TTLL1: variants seen among roughly 807,000 people sequenced by gnomAD.
The protein encoded by TTLL1 is polyglutamylase complex subunit TTLL1.
In TTLL1, 33 loss-of-function variants were observed where a neutral mutation model predicts 47.8. The ratio of observed to expected loss-of-function variants is 0.69; its 90% CI spans 0.52 to 0.92. The LOEUF is 0.92. Ranked by LOEUF, TTLL1 falls within the 40% of genes least tolerant of loss-of-function variation. The pLI is 0.00. For missense variants in TTLL1, 488 were observed against 547.5 expected (o/e 0.89, Z 1.08); for synonymous variants, 225 against 214.1 (o/e 1.05, Z -0.45).
chr22:43,088,633 G>C (rs533438146), intron 1 of TTLL1, among the ~76,000 whole-genome samples: 8 of 151,646 alleles, frequency 5.3e-5, no homozygotes, highest in Non-Finnish European at 8.8e-5. Context: ...GTGAGCCACC[G>C]TGCCCGGCCG....
At chr22:43,064,074 C>T in intron 6 of TTLL1, 116 bp downstream of exon 6, 1 of 1,521,022 alleles carries the variant, frequency 6.6e-7, no homozygotes, top group Middle Eastern at 1.8e-4. Flanking sequence ...CAATCCCTGC[C>T]CCGTGCCAGG....
chr22:43,081,723 T>A (rs1394173982), intron 1 of TTLL1, among the ~76,000 whole-genome samples: 3 of 151,526 alleles, frequency 2.0e-5, no homozygotes, highest in Non-Finnish European at 4.4e-5. Context: ...AATTTTTGTA[T>A]TTTTACTAGA....
At position 43,050,287 on chromosome 22, in the gene TTLL1, A is replaced by G. The variant is rs1202238238; in HGVS notation, c.978+1514T>C. 7.9e-5 allele frequency among the ~76,000 whole-genome samples: 11 copies of G among 138,476 alleles called. No homozygotes were observed. The East Asian group carries it at 1.7e-3, about 21-fold the overall frequency. 90.8% of individuals were successfully genotyped at this position (138,476 alleles called of 152,430 possible). On this transcript the variant is annotated intron_variant, in intron 9 of 10. Coordinates refer to ENST00000266254, the MANE Select transcript of TTLL1 (RefSeq NM_012263.5). ...AAAAATTAGCTGGGCGTGGTGGTGC[A>G]CGCCTGTAATCCCAGCTACTCAGGA...
At chr22:43,059,291 G>C in intron 8 of TTLL1, 93 bp downstream of exon 8, 1 of 1,516,636 alleles carries the variant, frequency 6.6e-7, no homozygotes, top group South Asian at 1.3e-5. Context: ...GCCGCGCACA[G>C]CTGAAAACAG....
intron 8 of TTLL1, among the ~76,000 whole-genome samples, chr22:43,056,336 C>T (rs560151432): frequency 7.5e-4 from 99 of 132,490 alleles, no homozygotes; most frequent in Non-Finnish European, 1.3e-3. Flanking sequence ...TCCAGCCTGG[C>T]GACACAGCGA....
intron 6 of TTLL1, 44 bp downstream of exon 6, chr22:43,064,145 GT>G: frequency 1.3e-6 from 2 of 1,593,010 alleles, no homozygotes; most frequent in Non-Finnish European, 1.7e-6. Context: ...GACGTTTTGG[GT>G]GAAAACACAA....
chr22:43,053,874 C>T (rs924545612), intron 8 of TTLL1, among the ~76,000 whole-genome samples: 5 of 152,176 alleles, frequency 3.3e-5, no homozygotes, highest in African/African-American at 1.2e-4. Context: ...CTTGATTAAA[C>T]AGCTAACTTT....
intron 10 of TTLL1, among the ~76,000 whole-genome samples, chr22:43,043,807 C>T (rs1028966005): frequency 6.6e-6 from 1 of 152,048 alleles, no homozygotes. Context: ...ACCACAGTTA[C>T]CTTCCTCCTT....
rs373336576 is a variant in TTLL1, at chr22:43,068,561, C to T, written c.352G>A (p.Ala118Thr). Residue 118 changes from alanine (A) to threonine (T), a missense_variant, in exon 5 of 11, where the codon GCT (alanine) becomes ACT (threonine). Coordinates refer to ENST00000266254, the MANE Select transcript of TTLL1 (RefSeq NM_012263.5). ...TCCTCTACAAACAGGTTGTAGTCAG[C>T]GGGCAGCATATAGGTGACTGGAACA... ...DFVPVTYMLP[A>T]DYNLFVEEFR... 21 of 1,542,478 alleles carry T rather than the reference C, an allele frequency of 1.4e-5. No homozygotes were observed. The highest frequency in any genetic ancestry group is 3.5e-5 in the Admixed American group (2 of 57,146).
chr22:43,043,068 G>A (rs3761468), intron 10 of TTLL1, among the ~76,000 whole-genome samples: 19,475 of 151,244 alleles, frequency 0.13, 1,764 homozygotes, highest in East Asian at 0.42. Context: ...AGCCTCCCAA[G>A]TAGCTGGGAT....
intron 10 of TTLL1, among the ~76,000 whole-genome samples, chr22:43,045,110 C>T (rs1017465230): frequency 1.3e-5 from 2 of 152,196 alleles, no homozygotes; most frequent in African/African-American, 2.4e-5. Flanking sequence ...ATCCACCTGC[C>T]TTGGCCTCCT....
intron 8 of TTLL1, among the ~76,000 whole-genome samples, chr22:43,054,047 G>A (rs555899119): frequency 3.3e-5 from 5 of 152,312 alleles, no homozygotes; most frequent in Middle Eastern, 3.4e-3. Flanking sequence ...CATACGCCGT[G>A]ACACTGGTGT....
At chr22:43,044,966 G>A (rs6003014) in intron 10 of TTLL1, among the ~76,000 whole-genome samples, 15,342 of 151,680 alleles carry the variant, frequency 0.1, 934 homozygotes, top group African/African-American at 0.16. Flanking sequence ...GGGTTCAAGC[G>A]ATTCTCCTGC....
intron 8 of TTLL1, among the ~76,000 whole-genome samples, chr22:43,057,900 A>G (rs963404238): frequency 2.0e-5 from 3 of 151,748 alleles, no homozygotes; most frequent in Non-Finnish European, 4.4e-5. Flanking sequence ...GCGAGTAACA[A>G]AACACCCCAA....
chr22:43,057,403 C>T (rs888823583), intron 8 of TTLL1, among the ~76,000 whole-genome samples: 9 of 152,116 alleles, frequency 5.9e-5, no homozygotes. Flanking sequence ...AGCCACTGTG[C>T]CCGGCCAATT....
At chr22:43,047,133 C>T (rs1444581583) in intron 9 of TTLL1, among the ~76,000 whole-genome samples, 2 of 152,098 alleles carry the variant, frequency 1.3e-5, no homozygotes, top group Non-Finnish European at 2.9e-5. Context: ...ACATTTTGGG[C>T]CAGTGTATAT....
At chr22:43,052,878 G>A (rs929559889) in intron 8 of TTLL1, among the ~76,000 whole-genome samples, 2 of 152,074 alleles carry the variant, frequency 1.3e-5, no homozygotes, top group African/African-American at 4.8e-5. Flanking sequence ...GGCCAACATG[G>A]TGAAACCCCG....
At chr22:43,073,469 G>C (rs1025093515) in intron 3 of TTLL1, among the ~76,000 whole-genome samples, 1 of 151,900 alleles carries the variant, frequency 6.6e-6, no homozygotes, top group Non-Finnish European at 1.5e-5. Flanking sequence ...CCATTTGCCT[G>C]CCTCAGCCTC....
chr22:43,047,653 G>C (rs772327886), intron 9 of TTLL1, among the ~76,000 whole-genome samples: 4 of 152,096 alleles, frequency 2.6e-5, no homozygotes, highest in Non-Finnish European at 4.4e-5. Flanking sequence ...ATTTTCAGTA[G>C]AGACAGGGTT....
Sources: gnomAD v4.1 joint callset for allele counts (sites outside exome capture counted in the v4.1 genomes callset) on GRCh38, gnomAD v4.1.1 for gene constraint, MANE v1.5 for transcripts, NCBI Gene and HGNC (gene_info 2026-07-23, HGNC 2026-07-21) for gene names.